The following SPATA1 variants were observed in gnomAD, a reference collection of about 807,000 sequenced individuals.
SPATA1 encodes spermatogenesis associated 1.
SPATA1 carries 57 observed loss-of-function variants against 59.6 expected under a neutral mutation model. The ratio of observed to expected loss-of-function variants is 0.96; its 90% confidence interval spans 0.77 to 1.19. The LOEUF (loss-of-function observed/expected upper bound fraction) is 1.19, where lower values mean the gene tolerates loss of function less well. Ranked by LOEUF, SPATA1 falls within the 50% of genes most tolerant of loss-of-function variation. SPATA1 has a pLI of 0.00. For synonymous variants in SPATA1, 147 were observed against 163.9 expected, an observed-to-expected ratio of 0.90 and a Z score of 0.79; for missense variants, 448 against 480.7, an observed-to-expected ratio of 0.93 and a Z score of 0.64.
intron 2 of SPATA1, among the ~76,000 whole-genome samples, chr1:84,517,329 C>T (rs1484154108): frequency 6.6e-6 from 1 of 152,074 alleles, no homozygotes; most frequent in East Asian, 1.9e-4. Context: ...CTCTTCTCTA[C>T]CTGCGCTCAT....
At chr1:84,509,704 T>A (rs6662683) in intron 1 of SPATA1, among the ~76,000 whole-genome samples, 9,380 of 152,226 alleles carry the variant, frequency 0.062, 395 homozygotes, top group African/African-American at 0.11. Context: ...AGGCAGAGAT[T>A]GCAGTAAGCG....
intron 2 of SPATA1, among the ~76,000 whole-genome samples, chr1:84,519,016 A>G (rs1682908294): frequency 6.6e-6 from 1 of 152,074 alleles, no homozygotes; most frequent in Admixed American, 6.5e-5. Flanking sequence ...TTTGTTGGCT[A>G]TATTTCTCAC....
chr1:84,534,440 G>A (rs1158636444), intron 8 of SPATA1, among the ~76,000 whole-genome samples: 1 of 152,058 alleles, frequency 6.6e-6, no homozygotes, highest in Non-Finnish European at 1.5e-5. Context: ...GAAACTCCAT[G>A]AGGTAGGTTA....
chr1:84,523,510 G>A (rs1349078126), intron 4 of SPATA1, among the ~76,000 whole-genome samples: 5 of 152,152 alleles, frequency 3.3e-5, no homozygotes, highest in Admixed American at 3.3e-4. Flanking sequence ...TCCTTGTGGG[G>A]AGGGACTTCA....
chr1:84,545,802 A>C, intron 10 of SPATA1, 43 bp downstream of exon 10: 1 of 1,332,502 alleles, frequency 7.5e-7, no homozygotes, highest in South Asian at 2.0e-5. Flanking sequence ...AAGAAAACTT[A>C]AGTTTTACAG....
rs573108794 is a variant in SPATA1 at position 84,563,891 on chromosome 1, A to G, written n.443-1970A>G. On this transcript the variant is annotated intron_variant and non_coding_transcript_variant, in intron 4 of 4. Transcript: ENST00000460286. The stretch of plus-strand genomic sequence containing the variant: ...TCTCTTCATATGTCAATGTGTTCAT[A>G]CAAGCTATGCAACCGTTCAGAATCT... 7.7e-5 allele frequency: 119 copies of G among 1,546,738 alleles called. 1 individual carries two copies. The South Asian group carries it at 9.8e-4, about 13-fold the overall frequency.
intron 8 of SPATA1, among the ~76,000 whole-genome samples, chr1:84,537,222 T>A (rs1399080053): frequency 6.6e-6 from 1 of 152,078 alleles, no homozygotes; most frequent in Non-Finnish European, 1.5e-5. Flanking sequence ...AGAAGCCAAT[T>A]TACAGCATTT....
At chr1:84,548,302 G>A (rs1211706179) in intron 10 of SPATA1, among the ~76,000 whole-genome samples, 1 of 151,602 alleles carries the variant, frequency 6.6e-6, no homozygotes, top group Non-Finnish European at 1.5e-5. Flanking sequence ...TGGTATCAAT[G>A]CAATTTGTTA....
Position 84,516,306 on chromosome 1 carries a change from A to AC in SPATA1, c.-54_-53insC. ...TAGTACTACTTAAATGAAGAAAGAT[A>AC]AAAAAAGAAACAAAATTCCAATTGA... On this transcript the variant is annotated 5_prime_UTR_variant, in exon 2 of 13. It introduces an in-frame stop codon into an upstream open reading frame of the 5' UTR. Transcript: ENST00000490879. The AC allele has an allele frequency of 6.9e-7, 1 of 1,459,326 alleles. No individual in the cohort carries two copies. Among genetic ancestry groups the AC allele is most frequent in the Non-Finnish European group, 9.1e-7 (1 of 1,101,824 alleles). The allele number at this position is 1,459,326 out of a possible 1,614,324, so 90.4% of individuals were successfully genotyped here. A position where few individuals can be genotyped will look rare whatever the true frequency, so the allele number is the denominator to read the frequency against.
chr1:84,512,498 T>A (rs572475888), intron 1 of SPATA1, among the ~76,000 whole-genome samples: 1 of 152,354 alleles, frequency 6.6e-6, no homozygotes, highest in Non-Finnish European at 1.5e-5. Context: ...GCAATCTTTG[T>A]ATGCCATATT....
chr1:84,566,880 C>G (rs896207796), downstream of SPATA1, among the ~76,000 whole-genome samples: 7 of 152,164 alleles, frequency 4.6e-5, no homozygotes, highest in African/African-American at 1.7e-4. Flanking sequence ...GCTGATCTGC[C>G]GATCTCAGCC....
At position 84,509,811 on chromosome 1, in the gene SPATA1, A is replaced by G. The variant is rs1240669634; in HGVS notation, c.-138+3393A>G. ...GTGCAGAAACTTTCCAGGACATTGGATTGGGTAAAGATTTTTTGAATAATG... is the reference window on the plus strand; with the variant it reads ...GTGCAGAAACTTTCCAGGACATTGGGTTGGGTAAAGATTTTTTGAATAATG... On this transcript the variant is annotated intron_variant, in intron 1 of 12. Coordinates refer to ENST00000490879, the Ensembl canonical transcript of SPATA1. 2.0e-5 allele frequency among the ~76,000 whole-genome samples: 3 copies of G among 152,186 alleles called. No homozygotes were observed. In the East Asian group the frequency reaches 5.8e-4, roughly 29 times the overall value.
intron 1 of SPATA1, among the ~76,000 whole-genome samples, chr1:84,512,345 C>T (rs937982999): frequency 2.0e-5 from 3 of 152,252 alleles, no homozygotes; most frequent in Admixed American, 6.5e-5. Context: ...CTCAGACCAA[C>T]GAATGGTTGT....
intron 8 of SPATA1, among the ~76,000 whole-genome samples, chr1:84,540,184 T>C (rs1683853004): frequency 1.3e-5 from 2 of 152,178 alleles, no homozygotes; most frequent in South Asian, 4.1e-4. Context: ...AAGTCTTTTT[T>C]ATTTAGTTAG....
At chr1:84,512,482 C>A (rs1682612076) in intron 1 of SPATA1, among the ~76,000 whole-genome samples, 1 of 152,168 alleles carries the variant, frequency 6.6e-6, no homozygotes, top group South Asian at 2.1e-4. Flanking sequence ...TTCTAAAGTA[C>A]ATTGAGCAAT....
At chr1:84,515,173 T>C (rs763569463) in intron 1 of SPATA1, among the ~76,000 whole-genome samples, 1 of 150,848 alleles carries the variant, frequency 6.6e-6, no homozygotes, top group African/African-American at 2.5e-5. Flanking sequence ...AGGTTCATAA[T>C]AGAGGCTAAT....
At chr1:84,544,749 C>T (rs892608877) in intron 9 of SPATA1, among the ~76,000 whole-genome samples, 4 of 151,248 alleles carry the variant, frequency 2.6e-5, no homozygotes, top group Non-Finnish European at 4.4e-5. Flanking sequence ...TTAGTAGAGA[C>T]GGGATTTCAC....
intron 2 of SPATA1, among the ~76,000 whole-genome samples, chr1:84,517,476 A>G (rs1446280728): frequency 1.3e-5 from 2 of 152,172 alleles, no homozygotes; most frequent in Admixed American, 6.5e-5. Flanking sequence ...ACTAACTGAC[A>G]TCGCCACTTG....
chr1:84,544,450 C>T, intron 9 of SPATA1, 146 bp downstream of exon 9: 1 of 632,080 alleles, frequency 1.6e-6, no homozygotes, highest in South Asian at 2.0e-5. Context: ...GGTTTCACAA[C>T]AGTGTGAATG....
Sources: gnomAD v4.1 joint callset for allele counts (sites outside exome capture counted in the v4.1 genomes callset) on GRCh38, gnomAD v4.1.1 for gene constraint, MANE v1.5 for transcripts, NCBI Gene and HGNC (gene_info 2026-07-23, HGNC 2026-07-21) for gene names.